The following RELN variants were observed in gnomAD, a reference collection of about 807,000 sequenced individuals.
RELN encodes reelin.
In RELN, 108 loss-of-function variants were observed where a neutral mutation model predicts 427.6. The observed-to-expected ratio is 0.25, with a 90% CI of 0.22 to 0.30. The LOEUF is 0.30. RELN is among the 10% of genes least tolerant of loss of function. The pLI is 1.00. For missense variants in RELN, 3,715 were observed against 4,302.8 expected, an observed-to-expected ratio of 0.86 and a Z score of 3.82; for synonymous variants, 1,524 against 1,513.4, an observed-to-expected ratio of 1.01 and a Z score of -0.16.
Position 103,654,187 on chromosome 7 carries a change from C to T in RELN, c.1460G>A (p.Gly487Glu). ...GATTATGTCATTTTCATGAGAATTTCCAGGGTCACAAATTCCTCCTGCACA... is the reference window on the plus strand; with the variant it reads ...GATTATGTCATTTTCATGAGAATTTTCAGGGTCACAAATTCCTCCTGCACA... ...YFVMGGICDP[G>E]NSHENDIILY... Residue 487 changes from glycine (G) to glutamate (E), a missense_variant, in exon 13 of 65, where the codon GGA (glycine) becomes GAA (glutamate). Physicochemically the swap from Gly to Glu is moderately conservative, Grantham distance 98. This residue lies in a region of RELN where 2,208 missense variants were observed against 2,361.7 expected (regional missense o/e 0.93). Transcript: ENST00000428762. 6.2e-7 allele frequency: 1 copy of T among 1,610,534 alleles called. No individual in the cohort carries two copies. Among genetic ancestry groups the T allele is most frequent in the Non-Finnish European group, 8.5e-7 (1 of 1,177,332 alleles).
chr7:103,772,856 A>AAT (rs1791604093), intron 4 of RELN, among the ~76,000 whole-genome samples: 1 of 152,192 alleles, frequency 6.6e-6, no homozygotes, highest in Non-Finnish European at 1.5e-5. Flanking sequence ...AAGCAGTAGG[A>AAT]ATTTCACTCT....
chr7:103,485,077 A>T (rs969704722), intron 61 of RELN, among the ~76,000 whole-genome samples: 4 of 152,166 alleles, frequency 2.6e-5, no homozygotes, highest in African/African-American at 9.6e-5. Context: ...TAGGTGGTGG[A>T]ATAAAGAGCT....
rs1020591652 is a variant in RELN at position 103,563,680 on chromosome 7, T to TCACTCACC, written c.5210+1590_5210+1597dup. On this transcript the variant is annotated intron_variant, in intron 34 of 64. Coordinates refer to ENST00000428762, the MANE Select transcript of RELN (RefSeq NM_005045.4). This position sits in a 1 kb window ranked among gnomAD's most constrained non-coding sequence, Gnocchi z 4.1. ...CTAGGCCTTCACATTCACTCACCAC[T>TCACTCACC]CACTCACCCACTCACCCAGAGCAAC... is the stretch of plus-strand genomic sequence containing the variant. 4.0e-5 allele frequency among the ~76,000 whole-genome samples: 6 copies of TCACTCACC among 150,852 alleles called. No homozygotes were observed. The highest frequency in any genetic ancestry group is 1.5e-4 in the African/African-American group (6 of 41,354).
intron 3 of RELN, among the ~76,000 whole-genome samples, chr7:103,784,522 T>C (rs762819748): frequency 5.9e-5 from 9 of 152,154 alleles, no homozygotes; most frequent in Non-Finnish European, 1.2e-4. Context: ...AATGGCTCTA[T>C]TTGGGTTTTA....
intron 36 of RELN, 31 bp from the exon 37 acceptor site, chr7:103,558,080 T>G: frequency 1.9e-6 from 2 of 1,055,598 alleles, no homozygotes; most frequent in Non-Finnish European, 1.5e-6. Context: ...GTTAAGCAAC[T>G]TTTTTTCACT....
Position 103,813,673 on chromosome 7 carries a change from T to C in RELN, c.473+19864A>G, listed in dbSNP as rs1301166666. Among the ~76,000 whole-genome samples the C allele has an allele frequency of 2.6e-5, 4 of 152,282 alleles. No homozygotes were observed. The East Asian group carries it at 7.7e-4, about 29-fold the overall frequency. On this transcript the variant is annotated intron_variant, in intron 3 of 64. Coordinates refer to ENST00000428762, the MANE Select transcript of RELN (RefSeq NM_005045.4). Reference sequence around the variant, plus strand: ...CCAGATGAATCCAGAAAACTGAATCTTATGCCATGAGCATAGCAAGAAAAT... The same window carrying C: ...CCAGATGAATCCAGAAAACTGAATCCTATGCCATGAGCATAGCAAGAAAAT...
chr7:103,604,653 T>C (rs956690668), intron 22 of RELN, among the ~76,000 whole-genome samples, 170 bp from the exon 23 acceptor site: 5 of 152,218 alleles, frequency 3.3e-5, no homozygotes, highest in Non-Finnish European at 7.3e-5. Context: ...GCAACAATTC[T>C]ATCATGAAAG....
At chr7:103,505,860 T>C (rs1302403312) in intron 51 of RELN, among the ~76,000 whole-genome samples, 1 of 152,168 alleles carries the variant, frequency 6.6e-6, no homozygotes, top group East Asian at 1.9e-4. Flanking sequence ...TTAGAGGGAC[T>C]GCTAACTAGA....
intron 2 of RELN, among the ~76,000 whole-genome samples, chr7:103,836,671 C>T (rs1328977655): frequency 6.6e-6 from 1 of 152,158 alleles, no homozygotes; most frequent in East Asian, 1.9e-4. Context: ...GCTCTCTCTC[C>T]TCAACTGCTC....
intron 1 of RELN, among the ~76,000 whole-genome samples, chr7:103,935,245 C>G (rs1016882017): frequency 2.6e-5 from 4 of 152,160 alleles, no homozygotes; most frequent in Non-Finnish European, 5.9e-5. Context: ...CCCTCAATCC[C>G]CATTTACTTT....
chr7:103,960,739 G>A (rs1346304463), intron 1 of RELN, among the ~76,000 whole-genome samples: 9 of 152,276 alleles, frequency 5.9e-5, no homozygotes, highest in Middle Eastern at 3.4e-3. Flanking sequence ...GTATGTACAT[G>A]TATTTATTTG....
At chr7:103,684,525 C>T (rs879642331) in intron 10 of RELN, among the ~76,000 whole-genome samples, 2 of 151,984 alleles carry the variant, frequency 1.3e-5, no homozygotes, top group Non-Finnish European at 2.9e-5. Context: ...AAATTAAGAT[C>T]GGAAAAGAAC....
At chr7:103,885,566 C>T (rs746836141) in intron 2 of RELN, among the ~76,000 whole-genome samples, 1 of 152,060 alleles carries the variant, frequency 6.6e-6, no homozygotes, top group Non-Finnish European at 1.5e-5. Flanking sequence ...AGGAACGGAA[C>T]ATCACACACC....
intron 10 of RELN, among the ~76,000 whole-genome samples, chr7:103,683,267 G>A (rs1231170558): frequency 6.6e-6 from 1 of 152,060 alleles, no homozygotes; most frequent in Non-Finnish European, 1.5e-5. Flanking sequence ...TTTGTTCCTT[G>A]TTATATTCCA....
At chr7:103,546,171 C>A (rs1193463664) in intron 41 of RELN, among the ~76,000 whole-genome samples, 1 of 152,216 alleles carries the variant, frequency 6.6e-6, no homozygotes, top group Non-Finnish European at 1.5e-5. Context: ...TCCCTGACAA[C>A]TGACAACCAC....
chr7:103,562,725 G>T (rs750313492), intron 34 of RELN, among the ~76,000 whole-genome samples: 2 of 152,160 alleles, frequency 1.3e-5, no homozygotes, highest in Non-Finnish European at 2.9e-5. Flanking sequence ...CCCTACACAA[G>T]TTCTCCATGG....
chr7:103,842,873 A>G (rs1793586478), intron 2 of RELN, among the ~76,000 whole-genome samples: 1 of 152,156 alleles, frequency 6.6e-6, no homozygotes, highest in African/African-American at 2.4e-5. Context: ...CACTTAAAAG[A>G]TGAGATGTCT....
At chr7:103,749,548 A>G (rs1790940702) in intron 5 of RELN, 44 bp from the exon 6 acceptor site, 1 of 1,375,780 alleles carries the variant, frequency 7.3e-7, no homozygotes, top group African/African-American at 1.4e-5. Context: ...ATACTACAAC[A>G]GTACATTTAG....
intron 1 of RELN, among the ~76,000 whole-genome samples, chr7:103,922,867 T>C (rs770362586): frequency 1.3e-5 from 2 of 151,602 alleles, no homozygotes; most frequent in African/African-American, 4.9e-5. Context: ...TACTACTTTA[T>C]ACAAAAGACC....
Sources: gnomAD v4.1 joint callset for allele counts (sites outside exome capture counted in the v4.1 genomes callset) on GRCh38, gnomAD v4.1.1 for gene constraint, gnomAD v4.1.1 regional missense constraint, Gnocchi (gnomAD v3.1) non-coding constraint, MANE v1.5 for transcripts, NCBI Gene and HGNC (gene_info 2026-07-23, HGNC 2026-07-21) for gene names.